Variants in HSPA12A observed in about 807,000 individuals in gnomAD.
HSPA12A encodes the protein heat shock 70 kDa protein 12A.
In HSPA12A, 28 loss-of-function variants were observed where a neutral mutation model predicts 69.2. That is an observed-to-expected ratio of 0.40 (90% CI 0.30 to 0.55). The LOEUF is 0.55. HSPA12A is among the 20% of genes least tolerant of loss of function. HSPA12A has a pLI of 0.38. For missense variants in HSPA12A, 686 were observed against 900.7 expected (o/e 0.76, Z 3.05); for synonymous variants, 345 against 370.5 (o/e 0.93, Z 0.79).
At chr10:116,846,330 T>C (rs1845880852) in intron 1 of HSPA12A, among the ~76,000 whole-genome samples, 1 of 150,388 alleles carries the variant, frequency 6.6e-6, no homozygotes, top group Admixed American at 6.6e-5. Flanking sequence ...ATTTTTCTTT[T>C]CTTTTTTTTT....
At chr10:116,722,266 A>G (rs1040655041) in intron 1 of HSPA12A, among the ~76,000 whole-genome samples, 3 of 152,082 alleles carry the variant, frequency 2.0e-5, no homozygotes, top group African/African-American at 7.2e-5. Context: ...CAGGCGCACA[A>G]TCCTCCCCCA....
chr10:116,826,532 T>TG (rs1845509795), intron 2 of HSPA12A, among the ~76,000 whole-genome samples: 1 of 152,202 alleles, frequency 6.6e-6, no homozygotes, highest in African/African-American at 2.4e-5. Flanking sequence ...TGGGAACTGA[T>TG]GGACGACACG....
chr10:116,805,172 T>C (rs1258252126), intron 2 of HSPA12A, among the ~76,000 whole-genome samples: 1 of 151,986 alleles, frequency 6.6e-6, no homozygotes, highest in Non-Finnish European at 1.5e-5. Flanking sequence ...AAAAATTAGC[T>C]GGGCGTGGTG....
intron 2 of HSPA12A, among the ~76,000 whole-genome samples, chr10:116,815,248 CAAAAAAAAAAAAAAAAA>C (rs61008848): frequency 9.8e-6 from 1 of 102,108 alleles, no homozygotes; most frequent in South Asian, 3.5e-4. Context: ...ATCCAAAAGA[CAAAAAAAAAAAAAAAAA>C]AAAAAAAAAA....
intron 6 of HSPA12A, among the ~76,000 whole-genome samples, chr10:116,687,108 A>C (rs1849597046): frequency 6.6e-6 from 1 of 152,116 alleles, no homozygotes; most frequent in Non-Finnish European, 1.5e-5. Context: ...CGCCCAGGAC[A>C]CTCTCACATC....
chr10:116,790,092 CTTTTTTTTTTTTT>C (rs140785704), intron 2 of HSPA12A, among the ~76,000 whole-genome samples: 3 of 69,120 alleles, frequency 4.3e-5, no homozygotes, highest in Non-Finnish European at 5.3e-5. Flanking sequence ...GATAATCTTT[CTTTTTTTTTTTTT>C]TTTTTTTTTT....
At chr10:116,692,495 G>T in intron 5 of HSPA12A, 28 bp from the exon 6 acceptor site, 1 of 1,561,614 alleles carries the variant, frequency 6.4e-7, no homozygotes, top group Non-Finnish European at 8.8e-7. Flanking sequence ...AAATGCAACA[G>T]GTCAAGTGGC....
rs556261513 is a variant in HSPA12A, at chr10:116,682,151, T to C, written c.836-274A>G. Among the ~76,000 whole-genome samples the C allele has an allele frequency of 4.6e-5, 7 of 152,142 alleles. No individual in the cohort carries two copies. In the East Asian group the frequency reaches 1.4e-3, roughly 29 times the overall value. ...TCTCACAACAACCCTTGGAATTAGGTGGAATTATTATCCCCATTTTCCACG... is the reference window on the plus strand; with the variant it reads ...TCTCACAACAACCCTTGGAATTAGGCGGAATTATTATCCCCATTTTCCACG... On this transcript the variant is annotated intron_variant, in intron 7 of 11. Coordinates refer to ENST00000369209, the MANE Select transcript of HSPA12A (RefSeq NM_025015.3).
At chr10:116,707,153 G>A (rs1638431) in intron 2 of HSPA12A, 47 bp downstream of exon 2, 216,632 of 576,898 alleles carry the variant, frequency 0.38, 26,686 homozygotes, top group Admixed American at 0.49. Flanking sequence ...ACCCATGCGC[G>A]CACACACACA....
intron 1 of HSPA12A, among the ~76,000 whole-genome samples, chr10:116,709,094 T>C (rs1850347374): frequency 6.6e-6 from 1 of 152,206 alleles, no homozygotes; most frequent in Non-Finnish European, 1.5e-5. Context: ...TATGCAAATG[T>C]TCATGCAGCA....
intron 3 of HSPA12A, among the ~76,000 whole-genome samples, 175 bp downstream of exon 3, chr10:116,704,976 C>G (rs185647119): frequency 6.6e-6 from 1 of 152,208 alleles, no homozygotes; most frequent in Non-Finnish European, 1.5e-5. Context: ...AAACCAGGAG[C>G]CTAGAGCCCA....
chr10:116,769,676 G>T (rs1202475686), intron 2 of HSPA12A, among the ~76,000 whole-genome samples: 2 of 152,164 alleles, frequency 1.3e-5, no homozygotes, highest in African/African-American at 2.4e-5. Context: ...TGCTAATTAG[G>T]TTTAGGCAAT....
chr10:116,675,153 A>G lies in HSPA12A; in HGVS notation c.1656T>C (p.Pro552=). 6.2e-7 allele frequency: 1 copy of G among 1,613,522 alleles called. No individual in the cohort carries two copies. Among genetic ancestry groups the G allele is most frequent in the Non-Finnish European group, 8.5e-7 (1 of 1,179,640 alleles). The part of the protein sequence containing the change: ...LNRYVEGKHP[P]EKLLVKDGTR... ...TGCCATCCTTCACCAGCAGCTTCTC[A>G]GGCGGGTGCTTGCCCTCCACGTAGC... Residue 552 remains proline (P), a synonymous_variant, in exon 12 of 12, where the codon CCT becomes CCC. Coordinates refer to ENST00000369209, the MANE Select transcript of HSPA12A (RefSeq NM_025015.3). This position sits in a 1 kb window ranked among gnomAD's most constrained non-coding sequence, Gnocchi z 5.2.
At chr10:116,787,961 TG>T (rs200257592) in intron 2 of HSPA12A, among the ~76,000 whole-genome samples, 3,341 of 152,190 alleles carry the variant, frequency 0.022, 127 homozygotes, top group African/African-American at 0.076. Flanking sequence ...GACAGTGACT[TG>T]GCCTGAGGGT....
At chr10:116,766,096 C>T (rs1322341761) in intron 2 of HSPA12A, among the ~76,000 whole-genome samples, 7 of 152,186 alleles carry the variant, frequency 4.6e-5, no homozygotes, top group Non-Finnish European at 1.0e-4. Flanking sequence ...TGCTCTCCAC[C>T]TCCTCTGCCC....
Position 116,672,957 on chromosome 10 carries a change from C to A in HSPA12A, c.*1824G>T, listed in dbSNP as rs563713936. ...TTCTAGTAGGGAATTCTGCAGCAGGCGATGCGAAAAAGAAGACATGGTCAA... is the reference window on the plus strand; with the variant it reads ...TTCTAGTAGGGAATTCTGCAGCAGGAGATGCGAAAAAGAAGACATGGTCAA... On this transcript the variant is annotated 3_prime_UTR_variant, in exon 12 of 12. Transcript: ENST00000369209. The A allele has an allele frequency of 2.0e-5, 3 of 152,386 alleles. No individual in the cohort carries two copies. The highest frequency in any genetic ancestry group is 2.1e-4 in the South Asian group (1 of 4,820). 9.4% of individuals were successfully genotyped at this position (152,386 alleles called of 1,614,324 possible). A position where few individuals can be genotyped will look rare whatever the true frequency, so the allele number is the denominator to read the frequency against.
intron 11 of HSPA12A, 25 bp downstream of exon 11, chr10:116,676,374 G>A (rs1554877693): frequency 1.9e-6 from 3 of 1,585,774 alleles, no homozygotes; most frequent in South Asian, 2.2e-5. Context: ...GCCTCGCCGA[G>A]TGGCCGAGCC....
At chr10:116,824,002 T>G (rs538546314) in intron 2 of HSPA12A, among the ~76,000 whole-genome samples, 2 of 152,276 alleles carry the variant, frequency 1.3e-5, no homozygotes, top group African/African-American at 4.8e-5. Flanking sequence ...TTGCAAATAA[T>G]ACATCTGATA....
intron 1 of HSPA12A, among the ~76,000 whole-genome samples, chr10:116,721,916 T>C (rs1445909814): frequency 1.3e-5 from 2 of 152,228 alleles, no homozygotes; most frequent in Admixed American, 1.3e-4. Flanking sequence ...CCAGGACCCC[T>C]TGTTCCAGCC....
Sources: allele counts gnomAD v4.1 joint callset (sites outside exome capture counted in the v4.1 genomes callset), GRCh38; gene constraint gnomAD v4.1.1; non-coding constraint Gnocchi (gnomAD v3.1); transcripts MANE v1.5; gene names NCBI Gene and HGNC (gene_info 2026-07-23, HGNC 2026-07-21).